Variants in EVPL observed in about 807,000 individuals in gnomAD.
EVPL encodes envoplakin.
A neutral mutation model predicts 129.7 loss-of-function variants in EVPL; 94 were observed. The observed-to-expected ratio is 0.72, with a 90% confidence interval of 0.61 to 0.86. The LOEUF (loss-of-function observed/expected upper bound fraction) is 0.86. Among genes scored for constraint, EVPL ranks in the 40% least tolerant of loss-of-function variants. The pLI, the probability that EVPL is intolerant of heterozygous loss-of-function variation, is 0.00. For missense variants in EVPL, 2,625 were observed against 2,721.1 expected, an observed-to-expected ratio of 0.96 and a Z score of 0.79; for synonymous variants, 1,172 against 1,191.1, an observed-to-expected ratio of 0.98 and a Z score of 0.33.
intron 1 of EVPL, 56 bp downstream of exon 1, chr17:76,027,045 G>A (rs1363397682): frequency 7.4e-6 from 8 of 1,079,418 alleles, no homozygotes; most frequent in East Asian, 5.7e-5. Flanking sequence ...AAGGACCTGG[G>A]CCTGGCACCA....
Position 76,007,950 on chromosome 17 carries a change from G to A in EVPL, c.5255C>T (p.Ala1752Val). 6.2e-7 allele frequency: 1 copy of A among 1,614,114 alleles called. No individual in the cohort carries two copies. The highest frequency in any genetic ancestry group is 1.6e-4 in the Middle Eastern group (1 of 6,062). Residue 1752 changes from alanine (A) to valine (V), a missense_variant, in exon 22 of 22, where the codon GCC (alanine) becomes GTC (valine). This residue lies in a region of EVPL where 1,453 missense variants were observed against 1,511.8 expected (regional missense o/e 0.96). Transcript: ENST00000301607. This position sits in a 1 kb window ranked among gnomAD's most constrained non-coding sequence, Gnocchi z 8.8. ...CTTAGAGATGCGCCGGCAGCGGAGG[G>A]CGGCCTCGATGGAGTACTGCTTCCC... ...KSGKQYSIEA[A>V]LRCRRISKEE... is the part of the protein sequence containing the mutation.
chr17:76,017,875 T>C lies in EVPL; in HGVS notation c.1574A>G (p.Gln525Arg). ...CCGGGTCATCTGTGTCAGGAGCTTC[T>C]GGGCCTGTGGGTTGGCCAGGTCTGA... ...SGSDLANPQA[Q>R]KLLTQMTRLD... is the part of the protein sequence containing the mutation. The change falls in exon 14 of 22, where the codon CAG becomes CGG. Residue 525 changes from glutamine to arginine, a missense_variant. This residue lies in a region of EVPL where 1,024 missense variants were observed against 997.5 expected (regional missense o/e 1.03). Coordinates refer to ENST00000301607, the MANE Select transcript of EVPL (RefSeq NM_001988.4). 6.2e-7 allele frequency: 1 copy of C among 1,614,114 alleles called. No individual in the cohort carries two copies. Among genetic ancestry groups the C allele is most frequent in the Non-Finnish European group, 8.5e-7 (1 of 1,180,038 alleles).
rs1343720866 is a variant in EVPL, at chr17:76,024,951, G to A, written c.99-831C>T. Among the ~76,000 whole-genome samples the A allele has an allele frequency of 6.6e-6, 1 of 152,184 alleles. No homozygotes were observed. The highest frequency in any genetic ancestry group is 1.5e-5 in the Non-Finnish European group (1 of 68,034). On this transcript the variant is annotated intron_variant, in intron 1 of 21. Transcript: ENST00000301607. The surrounding 1 kb of genome is among the most constrained non-coding windows in gnomAD (Gnocchi z 4.5). ...CCTTATGAGCACAGTGCCTTATGGG[G>A]GATCATTATGCTGGGGCAGGAGAAG... is the stretch of plus-strand genomic sequence containing the variant.
At position 76,019,624 on chromosome 17, in the gene EVPL, C is replaced by G. The variant is rs949518477; in HGVS notation, c.1041G>C (p.Gln347His). The G allele has an allele frequency of 1.9e-6, 3 of 1,610,648 alleles. No individual in the cohort carries two copies. Among genetic ancestry groups the G allele is most frequent in the African/African-American group, 1.3e-5 (1 of 74,678 alleles). The stretch of plus-strand genomic sequence containing the variant: ...AGTTGGAGTTGAGCTTCGCCAGGGT[C>G]TGGCTGACTGAGTCGGCCTCTTCCT... ...RFQEEADSVS[Q>H]TLAKLNSNLD... Residue 347 changes from glutamine (Q) to histidine (H), a missense_variant, in exon 10 of 22, where the codon CAG (glutamine) becomes CAC (histidine). Gln to His is a conservative substitution (Grantham distance 24, BLOSUM62 0). This residue lies in a region of EVPL where 1,024 missense variants were observed against 997.5 expected (regional missense o/e 1.03). Transcript: ENST00000301607.
In EVPL at chr17:76,024,832, C is replaced by T. The variant is rs1362287060; in HGVS notation, c.99-712G>A. Reference sequence around the variant, plus strand: ...CCAGGGCTTTTTCTGTGCATTCGCCCTGCAGCCTCCATAGAGCACCTGCTG... The same window carrying T: ...CCAGGGCTTTTTCTGTGCATTCGCCTTGCAGCCTCCATAGAGCACCTGCTG... On this transcript the variant is annotated intron_variant, in intron 1 of 21. Coordinates refer to ENST00000301607, the MANE Select transcript of EVPL (RefSeq NM_001988.4). This position sits in a 1 kb window ranked among gnomAD's most constrained non-coding sequence, Gnocchi z 4.5. Among the ~76,000 whole-genome samples, 1 of 152,196 alleles carries T rather than the reference C, an allele frequency of 6.6e-6. No homozygotes were observed. The highest frequency in any genetic ancestry group is 1.5e-5 in the Non-Finnish European group (1 of 68,032).
At chr17:76,014,360 C>G in intron 18 of EVPL, 66 bp downstream of exon 18, 5 of 1,535,926 alleles carry the variant, frequency 3.3e-6, no homozygotes, top group Non-Finnish European at 4.4e-6. Context: ...CCCCTTAGAG[C>G]GCTTCTGAGC....
Position 76,024,247 on chromosome 17 carries a change from G to A in EVPL, c.99-127C>T, listed in dbSNP as rs2144442067. On this transcript the variant is annotated intron_variant, in intron 1 of 21. Transcript: ENST00000301607. This position sits in a 1 kb window ranked among gnomAD's most constrained non-coding sequence, Gnocchi z 4.5. ...CAGCCTAGCTCACTGCCCTGACTTT[G>A]GGGTCTCTCTCTGCAGAAGGCTCTG... 1.2e-6 allele frequency: 1 copy of A among 862,614 alleles called. No homozygotes were observed. Among genetic ancestry groups the A allele is most frequent in the South Asian group, 1.6e-5 (1 of 63,488 alleles). The allele number at this position is 862,614 out of a possible 1,614,324, so 53.4% of individuals were successfully genotyped here.
Position 76,008,175 on chromosome 17 carries a change from G to T in EVPL, c.5030C>A (p.Thr1677Lys), listed in dbSNP as rs757957132. The T allele has an allele frequency of 2.5e-6, 4 of 1,614,054 alleles. No individual in the cohort carries two copies. The highest frequency in any genetic ancestry group is 2.2e-5 in the South Asian group (2 of 91,090). ...CTTGGTGGAAAGGTTGGTCTCTCGCGTCTGGGTCTCCTGGCTGAGCTCCTC... is the reference window on the plus strand; with the variant it reads ...CTTGGTGGAAAGGTTGGTCTCTCGCTTCTGGGTCTCCTGGCTGAGCTCCTC... The part of the protein sequence containing the change: ...SREELSQETQ[T>K]RETNLSTKIS... Residue 1677 changes from threonine to lysine, a missense_variant, in exon 22 of 22, where the codon ACG becomes AAG. By Grantham distance (78) the Thr-to-Lys change is moderately conservative (BLOSUM62 -1). Coordinates refer to ENST00000301607, the MANE Select transcript of EVPL (RefSeq NM_001988.4). The surrounding 1 kb of genome is among the most constrained non-coding windows in gnomAD (Gnocchi z 7.4).
chr17:76,010,662 T>A (rs2066370367), intron 21 of EVPL, 119 bp from the exon 22 acceptor site: 2 of 1,120,632 alleles, frequency 1.8e-6, no homozygotes, highest in African/African-American at 3.2e-5. Context: ...TCCTCAGAGG[T>A]GGAGCTGAAG....
In EVPL at chr17:76,010,282, C is replaced by G; in HGVS notation, c.2923G>C (p.Val975Leu). The change falls in exon 22 of 22, where the codon GTG (valine) becomes CTG (leucine). Residue 975 changes from valine to leucine, a missense_variant. Around this residue, in one of 4 missense-constraint regions of EVPL, gnomAD observed 1,453 missense variants for 1,511.8 expected, o/e 0.96. Coordinates refer to ENST00000301607, the MANE Select transcript of EVPL (RefSeq NM_001988.4). ...CCCTCCTCCTCCACCTGGGCCTTCA[C>G]CCTGGACAGGCTGCCCTCCAGCTGG... ...DPQLEGSLSR[V>L]KAQVEEEGKR... The G allele has an allele frequency of 6.2e-7, 1 of 1,613,988 alleles. No individual in the cohort carries two copies. Among genetic ancestry groups the G allele is most frequent in the Non-Finnish European group, 8.5e-7 (1 of 1,180,020 alleles).
chr17:76,020,296 G>A (rs2066448729), intron 9 of EVPL, among the ~76,000 whole-genome samples: 1 of 152,144 alleles, frequency 6.6e-6, no homozygotes, highest in South Asian at 2.1e-4. Flanking sequence ...CTTGCAAATG[G>A]GGTCTTATTT....
rs1431551534 is a variant in EVPL, at chr17:76,013,691, G to A, written c.2373+735C>T. ...CGCCCTGTGCCATGGTCCCTTCCCC[G>A]GCCAGGCCACCACTCTCTCTCCGCT... On this transcript the variant is annotated intron_variant, in intron 18 of 21. Coordinates refer to ENST00000301607, the MANE Select transcript of EVPL (RefSeq NM_001988.4). This position sits in a 1 kb window ranked among gnomAD's most constrained non-coding sequence, Gnocchi z 4.3. Among the ~76,000 whole-genome samples the A allele has an allele frequency of 1.3e-5, 2 of 152,010 alleles. No individual in the cohort carries two copies. The highest frequency in any genetic ancestry group is 2.9e-5 in the Non-Finnish European group (2 of 67,992).
intron 13 of EVPL, 71 bp from the exon 14 acceptor site, chr17:76,017,982 G>T (rs2066429872): frequency 2.5e-6 from 4 of 1,592,282 alleles, no homozygotes; most frequent in Non-Finnish European, 3.4e-6. Context: ...CCCACCAGGT[G>T]CCCACAGAGG....
rs2066486391 is a variant in EVPL at position 76,024,579 on chromosome 17, G to A, written c.99-459C>T. Among the ~76,000 whole-genome samples, 1 of 152,030 alleles carries A rather than the reference G, an allele frequency of 6.6e-6. No individual in the cohort carries two copies. Among genetic ancestry groups the A allele is most frequent in the South Asian group, 2.1e-4 (1 of 4,830 alleles). ...CCCATCCCCACCTCCTCGCACTCCA[G>A]CCCTGTGTTCCCCTATACCTCCTCC... On this transcript the variant is annotated intron_variant, in intron 1 of 21. Coordinates refer to ENST00000301607, the MANE Select transcript of EVPL (RefSeq NM_001988.4). The surrounding 1 kb of genome is among the most constrained non-coding windows in gnomAD (Gnocchi z 4.5).
chr17:76,025,466 C>A (rs568663901), intron 1 of EVPL, among the ~76,000 whole-genome samples: 2 of 152,186 alleles, frequency 1.3e-5, no homozygotes, highest in Non-Finnish European at 2.9e-5. Flanking sequence ...AGGCCAGGAG[C>A]GCACTGCTGG....
chr17:76,017,855 T>C lies in EVPL; in HGVS notation c.1594A>G (p.Thr532Ala). The change falls in exon 14 of 22, where the codon ACC (threonine) becomes GCC (alanine). Residue 532 changes from threonine (T) to alanine (A), a missense_variant. Transcript: ENST00000301607. ...TGTCCCAGGTCTCCATCCAGCCGGGTCATCTGTGTCAGGAGCTTCTGGGCC... is the reference window on the plus strand; with the variant it reads ...TGTCCCAGGTCTCCATCCAGCCGGGCCATCTGTGTCAGGAGCTTCTGGGCC... ...PQAQKLLTQM[T>A]RLDGDLGQIE... The C allele has an allele frequency of 1.9e-6, 3 of 1,614,048 alleles. No homozygotes were observed.
Position 76,007,195 on chromosome 17 carries a change from G to C in EVPL, c.6010C>G (p.Pro2004Ala), listed in dbSNP as rs140501538. Reference sequence around the variant, plus strand: ...GGCAGGAGCAGCAGGCCGCTCAGGGGGTCTTTGCGGCAGCGGCCCATGGCC... The same window carrying C: ...GGCAGGAGCAGCAGGCCGCTCAGGGCGTCTTTGCGGCAGCGGCCCATGGCC... ...KEAMGRCRKD[P>A]LSGLLLLPAA... Residue 2004 changes from proline (P) to alanine (A), a missense_variant, in exon 22 of 22, where the codon CCC becomes GCC. Around this residue, in one of 4 missense-constraint regions of EVPL, gnomAD observed 1,453 missense variants for 1,511.8 expected, o/e 0.96. Transcript: ENST00000301607. The surrounding 1 kb of genome is among the most constrained non-coding windows in gnomAD (Gnocchi z 8.8). The C allele has an allele frequency of 2.2e-5, 34 of 1,538,038 alleles. No homozygotes were observed. The African/African-American group carries it at 4.3e-4, about 19-fold the overall frequency.
At position 76,007,252 on chromosome 17, in the gene EVPL, G is replaced by A. The variant is rs1014962313; in HGVS notation, c.5953C>T (p.Pro1985Ser). 7 of 1,571,652 alleles carry A rather than the reference G, an allele frequency of 4.5e-6. No individual in the cohort carries two copies. The highest frequency in any genetic ancestry group is 5.2e-6 in the Non-Finnish European group (6 of 1,156,910). The part of the protein sequence containing the change: ...ESSYEKDLTD[P>S]ISKERLSYKE... ...TAGCTCAGCCGTTCCTTGGAGATGG[G>A]GTCTGTCAAATCCTTCTCGTAGCTG... Residue 1985 changes from proline (P) to serine (S), a missense_variant, in exon 22 of 22, where the codon CCC becomes TCC. Pro to Ser is a moderately conservative substitution (Grantham distance 74, BLOSUM62 -1). Coordinates refer to ENST00000301607, the MANE Select transcript of EVPL (RefSeq NM_001988.4). This position sits in a 1 kb window ranked among gnomAD's most constrained non-coding sequence, Gnocchi z 8.8.
In EVPL at chr17:76,009,256, C is replaced by T. The variant is rs140454160; in HGVS notation, c.3949G>A (p.Val1317Met). 50 of 1,607,626 alleles carry T rather than the reference C, an allele frequency of 3.1e-5. 1 individual carries two copies. The highest frequency in any genetic ancestry group is 2.2e-4 in the South Asian group (20 of 91,090). The change falls in exon 22 of 22, where the codon GTG becomes ATG. Residue 1317 changes from valine (V) to methionine (M), a missense_variant. By Grantham distance (21) the Val-to-Met change is conservative. This residue lies in a region of EVPL where 1,453 missense variants were observed against 1,511.8 expected (regional missense o/e 0.96). Coordinates refer to ENST00000301607, the MANE Select transcript of EVPL (RefSeq NM_001988.4). The surrounding 1 kb of genome is among the most constrained non-coding windows in gnomAD (Gnocchi z 5.9). ...ACCGGGTCCTTCTCGTGGCGCACCA[C>T]CTCCTTGCTCACCGTCTTGGTCTCC... The part of the protein sequence containing the change: ...KVETKTVSKE[V>M]VRHEKDPVLE...
Sources: allele counts gnomAD v4.1 joint callset (sites outside exome capture counted in the v4.1 genomes callset), GRCh38; gene constraint gnomAD v4.1.1; regional missense constraint gnomAD v4.1.1; non-coding constraint Gnocchi (gnomAD v3.1); transcripts MANE v1.5; gene names NCBI Gene and HGNC (gene_info 2026-07-23, HGNC 2026-07-21).